Variants in EXOC3 observed in about 807,000 individuals in gnomAD.
EXOC3 encodes SEC6-like 1.
Under a neutral mutation model 73.7 loss-of-function variants are expected in EXOC3, and 21 were observed. The ratio of observed to expected loss-of-function variants is 0.29; its 90% CI spans 0.20 to 0.41. EXOC3 has a LOEUF of 0.41. EXOC3 is among the 10% of genes least tolerant of loss of function. EXOC3 has a pLI of 1.00. For missense variants in EXOC3, 842 were observed against 985.1 expected (o/e 0.85, Z 1.95); for synonymous variants, 410 against 389.1 (o/e 1.05, Z -0.63).
At chr5:464,567 C>G in intron 10 of EXOC3, 155 bp downstream of exon 10, 1 of 715,266 alleles carries the variant, frequency 1.4e-6, no homozygotes, top group Non-Finnish European at 2.3e-6. Context: ...CGGACGCCAC[C>G]TCCCTGGGAC....
At chr5:443,541 C>A (rs1737406984) in intron 1 of EXOC3, among the ~76,000 whole-genome samples, 5 of 151,994 alleles carry the variant, frequency 3.3e-5, no homozygotes, top group Non-Finnish European at 7.4e-5. Flanking sequence ...TGTGTCCCCA[C>A]AGGCACAAGG....
At position 453,505 on chromosome 5, in the gene EXOC3, C is replaced by T. The variant is rs375648907; in HGVS notation, c.500C>T (p.Thr167Met). 2.0e-5 allele frequency: 32 copies of T among 1,613,994 alleles called. No homozygotes were observed. Among genetic ancestry groups the T allele is most frequent in the East Asian group, 4.5e-5 (2 of 44,882 alleles). Residue 167 changes from threonine to methionine, a missense_variant, in exon 4 of 13, where the codon ACG (threonine) becomes ATG (methionine). Transcript: ENST00000512944. The part of the protein sequence containing the change: ...YEQYRMDSGN[T>M]RDMTLIHGYF... ...CAGTACCGCATGGACAGTGGGAACA[C>T]GCGTGACATGACCCTCATCCATGGC... is the stretch of plus-strand genomic sequence containing the variant.
At chr5:461,574 C>G in intron 7 of EXOC3, 1 of 192,168 alleles carries the variant, frequency 5.2e-6, no homozygotes, top group East Asian at 1.4e-4. Flanking sequence ...GGTCTCACCA[C>G]TGCACTCCAG....
chr5:464,189 C>A, intron 9 of EXOC3, 101 bp from the exon 10 acceptor site: 1 of 1,174,012 alleles, frequency 8.5e-7, no homozygotes, highest in Non-Finnish European at 1.2e-6. Flanking sequence ...GCACGCAGCT[C>A]TCGTGGGGCG....
intron 5 of EXOC3, chr5:457,669 C>T (rs1579740633): frequency 4.4e-6 from 2 of 457,728 alleles, no homozygotes; most frequent in East Asian, 7.9e-5. Flanking sequence ...TCTTCTCCCT[C>T]TTTATCTGTA....
At position 456,986 on chromosome 5, in the gene EXOC3, A is replaced by G. The variant is rs1737837858; in HGVS notation, c.1144A>G (p.Thr382Ala). 6.2e-7 allele frequency: 1 copy of G among 1,613,664 alleles called. No individual in the cohort carries two copies. Among genetic ancestry groups the G allele is most frequent in the Non-Finnish European group, 8.5e-7 (1 of 1,179,578 alleles). Reference protein sequence around the residue: ...SPHVVSELLDTYMSTLTSNII... With the variant: ...SPHVVSELLDAYMSTLTSNII... ...ACACGTGGTCTCTGAGCTGCTTGAC[A>G]CGTACATGTCCACGCTCACTGTGAG... The change falls in exon 5 of 13, where the codon ACG becomes GCG. Residue 382 changes from threonine (T) to alanine (A), a missense_variant. Thr to Ala is a moderately conservative substitution (Grantham distance 58). Coordinates refer to ENST00000512944, the MANE Select transcript of EXOC3 (RefSeq NM_007277.5).
In EXOC3 at chr5:465,035, C is replaced by T. The variant is rs894540599; in HGVS notation, c.1777-76C>T. 7 of 1,439,130 alleles carry T rather than the reference C, an allele frequency of 4.9e-6. No homozygotes were observed. The Admixed American group carries it at 1.8e-4, about 36-fold the overall frequency. 89.1% of individuals were successfully genotyped at this position (1,439,130 alleles called of 1,614,324 possible). On this transcript the variant is annotated intron_variant, in intron 10 of 12. Transcript: ENST00000512944. ...GCCTCCGGGGAGCCACCGGGAGCCCCAGCCTGGGTTTCAATGAGGGTGCTC... is the reference window on the plus strand; with the variant it reads ...GCCTCCGGGGAGCCACCGGGAGCCCTAGCCTGGGTTTCAATGAGGGTGCTC...
intron 3 of EXOC3, among the ~76,000 whole-genome samples, chr5:448,076 A>T (rs1455617985): frequency 6.6e-6 from 1 of 152,138 alleles, no homozygotes; most frequent in Non-Finnish European, 1.5e-5. Flanking sequence ...GTGCAGAAGA[A>T]TGAAGACGCC....
At chr5:444,198 G>A (rs1737435866) in intron 1 of EXOC3, among the ~76,000 whole-genome samples, 1 of 152,274 alleles carries the variant, frequency 6.6e-6, no homozygotes, top group Non-Finnish European at 1.5e-5. Context: ...CCTGGTAGGG[G>A]CTGGACCTGG....
intron 7 of EXOC3, among the ~76,000 whole-genome samples, chr5:460,084 T>C (rs1289058713): frequency 6.6e-6 from 1 of 152,162 alleles, no homozygotes; most frequent in East Asian, 1.9e-4. Context: ...TGCGACCCTC[T>C]CTGAAGCCAC....
chr5:455,805 T>C (rs531662641), intron 4 of EXOC3, among the ~76,000 whole-genome samples: 197 of 152,308 alleles, frequency 1.3e-3, no homozygotes, highest in Non-Finnish European at 1.4e-3. Flanking sequence ...GGGGTTTCAC[T>C]GTGTTAGCCA....
chr5:454,868 A>ATT (rs370854107), intron 4 of EXOC3, among the ~76,000 whole-genome samples: 50,734 of 110,506 alleles, frequency 0.46, 11,932 homozygotes, highest in African/African-American at 0.62. Flanking sequence ...AATAAACCTC[A>ATT]TTTTTTTTTT....
At position 449,593 on chromosome 5, in the gene EXOC3, CA is replaced by C. The variant is rs1737598722; in HGVS notation, c.364+1842del. The stretch of plus-strand genomic sequence containing the variant: ...CTTATTTCACTCAGCATGATGTCCT[CA>C]GGGGTCTTCTATGCTGTGGTATTGT... On this transcript the variant is annotated intron_variant, in intron 3 of 12. Coordinates refer to ENST00000512944, the MANE Select transcript of EXOC3 (RefSeq NM_007277.5). Among the ~76,000 whole-genome samples, 4 of 152,346 alleles carry C rather than the reference CA, an allele frequency of 2.6e-5. No homozygotes were observed. In the South Asian group the frequency reaches 8.3e-4, roughly 32 times the overall value.
intron 12 of EXOC3, chr5:466,282 G>T (rs1738148475): frequency 4.1e-6 from 1 of 242,534 alleles, no homozygotes; most frequent in South Asian, 7.0e-5. Flanking sequence ...CCAGGTCCAG[G>T]GAAGGGGACC....
intron 12 of EXOC3, 183 bp from the exon 13 acceptor site, chr5:466,544 A>G (rs1185417397): frequency 1.7e-6 from 1 of 582,452 alleles, no homozygotes; most frequent in East Asian, 2.8e-5. Flanking sequence ...TGGATTGAGA[A>G]AAGACAGAGT....
intron 1 of EXOC3, among the ~76,000 whole-genome samples, chr5:445,658 A>G (rs766027897): frequency 2.0e-5 from 3 of 152,078 alleles, no homozygotes; most frequent in Non-Finnish European, 4.4e-5. Context: ...CTGGCTGACT[A>G]TTGTCACTTT....
chr5:445,490 C>T (rs1266394236), intron 1 of EXOC3, among the ~76,000 whole-genome samples: 1 of 152,112 alleles, frequency 6.6e-6, no homozygotes, highest in African/African-American at 2.4e-5. Flanking sequence ...GCTGGGACTA[C>T]AGGCACCCAC....
At chr5:444,269 C>T (rs1482838822) in intron 1 of EXOC3, among the ~76,000 whole-genome samples, 1 of 152,244 alleles carries the variant, frequency 6.6e-6, no homozygotes. Flanking sequence ...CTTTAGTCTT[C>T]AGGCTGGGAT....
At chr5:466,687 G>A in intron 12 of EXOC3, 40 bp from the exon 13 acceptor site, 8 of 1,585,448 alleles carry the variant, frequency 5.0e-6, no homozygotes, top group South Asian at 1.2e-5. Flanking sequence ...GCATCACAGG[G>A]CTGCTAAGTG....
Sources: allele counts gnomAD v4.1 joint callset (sites outside exome capture counted in the v4.1 genomes callset), GRCh38; gene constraint gnomAD v4.1.1; transcripts MANE v1.5; gene names NCBI Gene and HGNC (gene_info 2026-07-23, HGNC 2026-07-21).